CDH13: variants seen among roughly 807,000 people sequenced by gnomAD.
The protein encoded by CDH13 is cadherin 13.
A neutral mutation model predicts 63.8 loss-of-function variants in CDH13; 24 were observed. The ratio of observed to expected loss-of-function variants is 0.38; its 90% CI spans 0.27 to 0.53. The LOEUF is 0.53. CDH13 is among the 20% of genes least tolerant of loss of function. The probability of loss-of-function intolerance (pLI) is 0.85; values close to 1 mark genes in which losing one functional copy is unlikely to be tolerated. For synonymous variants in CDH13, 503 were observed against 355.3 expected (o/e 1.42, Z -4.67); for missense variants, 1,049 against 903.1 (o/e 1.16, Z -2.07).
intron 2 of CDH13, among the ~76,000 whole-genome samples, chr16:82,899,816 A>G (rs2041400166): frequency 2.6e-5 from 4 of 152,338 alleles, no homozygotes; most frequent in African/African-American, 9.6e-5. Context: ...TGTGTTCGGT[A>G]TAATGGGATT....
chr16:83,214,601 A>AAAG (rs2039441017), intron 4 of CDH13, among the ~76,000 whole-genome samples: 1 of 147,788 alleles, frequency 6.8e-6, no homozygotes, highest in Non-Finnish European at 1.5e-5. Flanking sequence ...AAAAAAAAAA[A>AAAG]AGAGGAAACC....
rs576301033 is a variant in CDH13, at chr16:83,047,623, A to T, written c.366+15405A>T. ...CTGCATAAATAAAATAATATGCTCCATAATGGCAGAGATTTGACTGACTTG... is the reference window on the plus strand; with the variant it reads ...CTGCATAAATAAAATAATATGCTCCTTAATGGCAGAGATTTGACTGACTTG... On this transcript the variant is annotated intron_variant, in intron 3 of 13. Transcript: ENST00000567109. The surrounding 1 kb of genome is among the most constrained non-coding windows in gnomAD (Gnocchi z 4.9). Among the ~76,000 whole-genome samples, 2 of 152,254 alleles carry T rather than the reference A, an allele frequency of 1.3e-5. No individual in the cohort carries two copies. The highest frequency in any genetic ancestry group is 4.8e-5 in the African/African-American group (2 of 41,476).
intron 8 of CDH13, among the ~76,000 whole-genome samples, chr16:83,648,300 A>G (rs982356075): frequency 2.6e-5 from 4 of 152,206 alleles, no homozygotes; most frequent in African/African-American, 9.7e-5. Flanking sequence ...AACAACTCCC[A>G]GGAGAACTTT....
chr16:82,950,354 G>T (rs1359386374), intron 2 of CDH13, among the ~76,000 whole-genome samples: 2 of 152,040 alleles, frequency 1.3e-5, no homozygotes, highest in Admixed American at 6.6e-5. Flanking sequence ...ACGTGGTATG[G>T]TTTGGCTGTG....
chr16:83,155,292 A>T (rs1045019881), intron 4 of CDH13, among the ~76,000 whole-genome samples: 2 of 152,166 alleles, frequency 1.3e-5, no homozygotes, highest in African/African-American at 4.8e-5. Context: ...CAGCATTGTA[A>T]AGCAAAAATT....
chr16:83,710,190 G>A (rs533224128), intron 10 of CDH13: 1 of 152,184 alleles, frequency 6.6e-6, no homozygotes, highest in Non-Finnish European at 1.5e-5. Context: ...TGTCAGGGGG[G>A]ACAATTGAAG....
chr16:83,376,284 A>G (rs77074677), intron 6 of CDH13, among the ~76,000 whole-genome samples: 1 of 152,254 alleles, frequency 6.6e-6, no homozygotes, highest in East Asian at 1.9e-4. Context: ...TAGTCTCTGT[A>G]TGCACAGATG....
chr16:82,711,064 T>C (rs1326254582), intron 1 of CDH13, among the ~76,000 whole-genome samples: 2 of 151,956 alleles, frequency 1.3e-5, no homozygotes, highest in East Asian at 3.9e-4. Flanking sequence ...GGGCCAGTCA[T>C]TTGCCCGGAC....
chr16:83,218,485 A>G (rs565077647), intron 5 of CDH13, among the ~76,000 whole-genome samples: 76 of 152,294 alleles, frequency 5.0e-4, no homozygotes, highest in Non-Finnish European at 1.0e-3. Flanking sequence ...AGGTAGTTGT[A>G]TAAATTGAAT....
In CDH13 at chr16:82,716,289, A is replaced by G. The variant is rs1398628061; in HGVS notation, c.45+89152A>G. Among the ~76,000 whole-genome samples, 3 of 152,044 alleles carry G rather than the reference A, an allele frequency of 2.0e-5. No homozygotes were observed. The East Asian group carries it at 5.8e-4, about 29-fold the overall frequency. The stretch of plus-strand genomic sequence containing the variant: ...TATGGGGAATAGAAACTAACAGCCC[A>G]TCCCGAGCCTGCTTTTCCATGGGAA... On this transcript the variant is annotated intron_variant, in intron 1 of 13. Transcript: ENST00000567109.
At chr16:82,936,464 C>T (rs963068388) in intron 2 of CDH13, among the ~76,000 whole-genome samples, 8 of 152,096 alleles carry the variant, frequency 5.3e-5, no homozygotes, top group African/African-American at 1.7e-4. Flanking sequence ...ATCCACCCCA[C>T]CCACCAACTT....
At chr16:82,739,466 T>G (rs993290751) in intron 1 of CDH13, among the ~76,000 whole-genome samples, 1 of 152,218 alleles carries the variant, frequency 6.6e-6, no homozygotes, top group African/African-American at 2.4e-5. Flanking sequence ...GTTGTCTTGG[T>G]AAATTTTAAG....
intron 8 of CDH13, among the ~76,000 whole-genome samples, chr16:83,610,662 T>C (rs1908778233): frequency 6.6e-6 from 1 of 152,268 alleles, no homozygotes; most frequent in South Asian, 2.1e-4. Context: ...AGCCGTAATC[T>C]ATTCATGTTC....
chr16:83,170,681 G>A (rs1165968494), intron 4 of CDH13, among the ~76,000 whole-genome samples: 1 of 152,106 alleles, frequency 6.6e-6, no homozygotes, highest in South Asian at 2.1e-4. Context: ...GTATTTCTAA[G>A]CACCCATCCC....
chr16:82,732,024 T>C (rs890680744), intron 1 of CDH13, among the ~76,000 whole-genome samples: 4 of 152,158 alleles, frequency 2.6e-5, no homozygotes, highest in Non-Finnish European at 4.4e-5. Flanking sequence ...AAATGTGACT[T>C]CTTCAAAAAA....
intron 2 of CDH13, among the ~76,000 whole-genome samples, chr16:82,969,274 C>T (rs1185288180): frequency 6.6e-6 from 1 of 152,042 alleles, no homozygotes; most frequent in African/African-American, 2.4e-5. Context: ...TACTGTATAT[C>T]TAATGGCCCT....
chr16:83,695,211 A>G (rs1281570543), intron 10 of CDH13, among the ~76,000 whole-genome samples: 1 of 152,216 alleles, frequency 6.6e-6, no homozygotes. Flanking sequence ...TGTTTCAAAA[A>G]AAAATTATTG....
At chr16:82,710,320 T>A (rs1439661756) in intron 1 of CDH13, among the ~76,000 whole-genome samples, 2 of 145,412 alleles carry the variant, frequency 1.4e-5, no homozygotes, top group Non-Finnish European at 3.0e-5. Flanking sequence ...GATCATGAGG[T>A]CAGGAGATCG....
intron 4 of CDH13, among the ~76,000 whole-genome samples, chr16:83,170,960 C>T (rs1320631483): frequency 2.0e-5 from 3 of 152,112 alleles, no homozygotes; most frequent in African/African-American, 7.2e-5. Context: ...TTCTCCTCTA[C>T]TCAACCTCCC....
Sources: allele counts gnomAD v4.1 joint callset (sites outside exome capture counted in the v4.1 genomes callset), GRCh38; gene constraint gnomAD v4.1.1; non-coding constraint Gnocchi (gnomAD v3.1); transcripts MANE v1.5; gene names NCBI Gene and HGNC (gene_info 2026-07-23, HGNC 2026-07-21).